SLC17A7: variants seen among roughly 807,000 people sequenced by gnomAD.
SLC17A7 encodes the protein vesicular glutamate transporter 1.
A neutral mutation model predicts 59.1 loss-of-function variants in SLC17A7; 15 were observed. That is an observed-to-expected ratio of 0.25 (90% CI 0.17 to 0.39). The LOEUF is 0.39. SLC17A7 is among the 10% of genes least tolerant of loss of function. SLC17A7 has a pLI of 1.00. For synonymous variants in SLC17A7, 353 were observed against 308.9 expected (o/e 1.14, Z -1.50); for missense variants, 499 against 765.1 (o/e 0.65, Z 4.10).
intron 1 of SLC17A7, among the ~76,000 whole-genome samples, chr19:49,440,228 C>T (rs898235116): frequency 1.3e-5 from 2 of 152,160 alleles, no homozygotes; most frequent in Non-Finnish European, 2.9e-5. Flanking sequence ...ACCCCCATGG[C>T]CTAGCGAGGT....
intron 1 of SLC17A7, among the ~76,000 whole-genome samples, chr19:49,438,829 A>T (rs1267500418): frequency 6.6e-6 from 1 of 152,290 alleles, no homozygotes; most frequent in Non-Finnish European, 1.5e-5. Flanking sequence ...CTGATGTGAG[A>T]TTCCTTGTTA....
chr19:49,433,593 G>T lies in SLC17A7; in HGVS notation c.867+133C>A. 7.4e-7 allele frequency: 1 copy of T among 1,345,468 alleles called. No individual in the cohort carries two copies. The allele number at this position is 1,345,468 out of a possible 1,614,324, so 83.3% of individuals were successfully genotyped here. A position where few individuals can be genotyped will look rare whatever the true frequency, so the allele number is the denominator to read the frequency against. ...CCGCGGGTTGCAACCCGCCTCCTAG[G>T]TTCTAGCCCCTCTCTTTGCGTTCCA... On this transcript the variant is annotated intron_variant, in intron 7 of 11. Transcript: ENST00000221485. The surrounding 1 kb of genome is among the most constrained non-coding windows in gnomAD (Gnocchi z 5.7).
At chr19:49,440,547 C>A (rs1030121137) in intron 1 of SLC17A7, among the ~76,000 whole-genome samples, 1 of 152,134 alleles carries the variant, frequency 6.6e-6, no homozygotes, top group African/African-American at 2.4e-5. Flanking sequence ...CTGTCCTACC[C>A]CAGGAGCCGA....
intron 8 of SLC17A7, 52 bp from the exon 9 acceptor site, chr19:49,432,703 G>A (rs769133255): frequency 6.2e-7 from 1 of 1,604,360 alleles, no homozygotes; most frequent in Non-Finnish European, 8.5e-7. Context: ...CCGGCTCGGC[G>A]TCTCTGCCCG....
intron 1 of SLC17A7, among the ~76,000 whole-genome samples, chr19:49,440,307 G>A (rs778558593): frequency 1.3e-5 from 2 of 152,246 alleles, no homozygotes; most frequent in Non-Finnish European, 2.9e-5. Flanking sequence ...GGGCACGGCG[G>A]CAGGGGCATG....
In SLC17A7 at chr19:49,436,199, C is replaced by G. The variant is rs1345099091; in HGVS notation, c.315+350G>C. ...GGGACTGAGATTAAATAGATGTGAC[C>G]CGGGGACATGAGCTTGGGGTACAGG... On this transcript the variant is annotated intron_variant, in intron 2 of 11. Coordinates refer to ENST00000221485, the MANE Select transcript of SLC17A7 (RefSeq NM_020309.4). The surrounding 1 kb of genome is among the most constrained non-coding windows in gnomAD (Gnocchi z 4.1). 1 of 305,234 alleles carries G rather than the reference C, an allele frequency of 3.3e-6. No homozygotes were observed. The highest frequency in any genetic ancestry group is 6.2e-6 in the Non-Finnish European group (1 of 160,706). 18.9% of individuals were successfully genotyped at this position (305,234 alleles called of 1,614,324 possible).
rs866342522 is a variant in SLC17A7 at position 49,434,664 on chromosome 19, C to T, written c.575G>A (p.Gly192Glu). Residue 192 changes from glycine to glutamate, a missense_variant, in exon 5 of 12, where the codon GGG (glycine) becomes GAG (glutamate). Around this residue, in one of 3 missense-constraint regions of SLC17A7, gnomAD observed 323 missense variants for 607.2 expected, o/e 0.53. Coordinates refer to ENST00000221485, the MANE Select transcript of SLC17A7 (RefSeq NM_020309.4). ...GGGTGGGGCCCATTTGCTCCAGATC[C>T]CATGGCAGGCGGGGTATGTGACCCC... ...VEGVTYPACH[G>E]IWSKWAPPLE... 6.2e-7 allele frequency: 1 copy of T among 1,614,030 alleles called. No homozygotes were observed. Among genetic ancestry groups the T allele is most frequent in the Non-Finnish European group, 8.5e-7 (1 of 1,179,972 alleles).
Position 49,431,265 on chromosome 19 carries a change from C to T in SLC17A7, c.1261+73G>A. 3.8e-6 allele frequency: 6 copies of T among 1,585,892 alleles called. No homozygotes were observed. Among genetic ancestry groups the T allele is most frequent in the Non-Finnish European group, 4.3e-6 (5 of 1,160,422 alleles). The stretch of plus-strand genomic sequence containing the variant: ...TTCCACCTTTTGTGAGGCTGAGAGG[C>T]CCCGTTCCTGAGCCAGGAAGTTCCC... On this transcript the variant is annotated intron_variant, in intron 10 of 11. Coordinates refer to ENST00000221485, the MANE Select transcript of SLC17A7 (RefSeq NM_020309.4). The surrounding 1 kb of genome is among the most constrained non-coding windows in gnomAD (Gnocchi z 4.6).
chr19:49,434,728 G>T (rs749328526), intron 4 of SLC17A7, 39 bp from the exon 5 acceptor site: 4 of 1,614,108 alleles, frequency 2.5e-6, no homozygotes, highest in Non-Finnish European at 3.4e-6. Context: ...GAAGAGGCAG[G>T]GTCCGAGCGA....
chr19:49,440,802 G>A (rs1212999072), intron 1 of SLC17A7, among the ~76,000 whole-genome samples: 1 of 152,116 alleles, frequency 6.6e-6, no homozygotes, highest in Non-Finnish European at 1.5e-5. Flanking sequence ...CCAGGGAAGA[G>A]GAGAGACCCA....
At chr19:49,441,231 C>G in intron 1 of SLC17A7, 87 bp downstream of exon 1, 2 of 1,546,614 alleles carry the variant, frequency 1.3e-6, no homozygotes, top group Non-Finnish European at 1.7e-6. Context: ...GGGTATCGCC[C>G]GTTCATCTGT....
rs2122295912 is a variant in SLC17A7, at chr19:49,433,257, T to C, written c.868-297A>G. Reference sequence around the variant, plus strand: ...CTTTTTTTCTTTTTATTTTTACTTTTTGTATTTTGTATTTTGAGTAGAGAC... The same window carrying C: ...CTTTTTTTCTTTTTATTTTTACTTTCTGTATTTTGTATTTTGAGTAGAGAC... On this transcript the variant is annotated intron_variant, in intron 7 of 11. Coordinates refer to ENST00000221485, the MANE Select transcript of SLC17A7 (RefSeq NM_020309.4). The surrounding 1 kb of genome is among the most constrained non-coding windows in gnomAD (Gnocchi z 5.7). 1 of 425,496 alleles carries C rather than the reference T, an allele frequency of 2.4e-6. No individual in the cohort carries two copies. Among genetic ancestry groups the C allele is most frequent in the South Asian group, 2.7e-5 (1 of 36,592 alleles). 26.4% of individuals were successfully genotyped at this position (425,496 alleles called of 1,614,324 possible). A position where few individuals can be genotyped will look rare whatever the true frequency, so the allele number is the denominator to read the frequency against.
Position 49,431,005 on chromosome 19 carries a change from C to A in SLC17A7, c.1389+10G>T. ...TTGGAGGCAGACTGAGTCAGGACTG[C>A]GGCACCCACCTTGTGCTTAGTCATG... On this transcript the variant is annotated intron_variant, in intron 11 of 11. Transcript: ENST00000221485. The surrounding 1 kb of genome is among the most constrained non-coding windows in gnomAD (Gnocchi z 4.6). 1 of 1,600,344 alleles carries A rather than the reference C, an allele frequency of 6.2e-7. No individual in the cohort carries two copies. Among genetic ancestry groups the A allele is most frequent in the Non-Finnish European group, 8.5e-7 (1 of 1,171,940 alleles).
chr19:49,432,804 G>A lies in SLC17A7; in HGVS notation c.1017+7C>T. On this transcript the variant is annotated splice_region_variant and intron_variant, in intron 8 of 11. Coordinates refer to ENST00000221485, the MANE Select transcript of SLC17A7 (RefSeq NM_020309.4). ...GCGCCCCCCTGCCCTCTCCTCCTGG[G>A]CTCTACCTTGCTGATCTCGAAGCCG... 3 of 1,587,408 alleles carry A rather than the reference G, an allele frequency of 1.9e-6. No homozygotes were observed. The highest frequency in any genetic ancestry group is 2.6e-6 in the Non-Finnish European group (3 of 1,166,610).
chr19:49,433,917 T>A lies in SLC17A7; in HGVS notation c.724+43A>T. 1 of 1,613,090 alleles carries A rather than the reference T, an allele frequency of 6.2e-7. No homozygotes were observed. The highest frequency in any genetic ancestry group is 1.1e-5 in the South Asian group (1 of 91,036). ...GGAGCGAGGTGAGGACCGGCCCCGC[T>A]CCGCCCCAGCGCCACCCGGAACCAG... On this transcript the variant is annotated intron_variant, in intron 6 of 11. Transcript: ENST00000221485. This position sits in a 1 kb window ranked among gnomAD's most constrained non-coding sequence, Gnocchi z 5.7.
intron 2 of SLC17A7, 84 bp from the exon 3 acceptor site, chr19:49,435,370 C>T: frequency 2.1e-6 from 2 of 940,740 alleles, no homozygotes; most frequent in Non-Finnish European, 3.4e-6. Flanking sequence ...CTTAGCGTCT[C>T]GACCTATCAG....
chr19:49,431,084 G>A lies in SLC17A7; in HGVS notation c.1320C>T (p.Ile440=). The A allele has an allele frequency of 6.2e-7, 1 of 1,614,042 alleles. No homozygotes were observed. The highest frequency in any genetic ancestry group is 8.5e-7 in the Non-Finnish European group (1 of 1,180,026). The change falls in exon 11 of 12, where the codon ATC becomes ATT. Residue 440 remains isoleucine (I), a synonymous_variant. Coordinates refer to ENST00000221485, the MANE Select transcript of SLC17A7 (RefSeq NM_020309.4). This position sits in a 1 kb window ranked among gnomAD's most constrained non-coding sequence, Gnocchi z 4.6. ...APRYASILMG[I]SNGVGTLSGM... is the part of the protein sequence containing the mutation. ...CCGACAGTGTGCCCACGCCGTTGGA[G>A]ATGCCCATGAGGATGCTGGCGTAGC...
intron 2 of SLC17A7, 92 bp from the exon 3 acceptor site, chr19:49,435,378 C>T: frequency 1.2e-6 from 1 of 845,672 alleles, no homozygotes. Context: ...CTCGACCTAT[C>T]AGCAACGAGG....
chr19:49,434,557 CCCT>C lies in SLC17A7; in HGVS notation c.637+42_637+44del. On this transcript the variant is annotated intron_variant, in intron 5 of 11. Coordinates refer to ENST00000221485, the MANE Select transcript of SLC17A7 (RefSeq NM_020309.4). ...CAGACCCAACAGTCCAGGCCCCAACCCCTCCTCCCTCAGATTCAGGAGTGAGGA... is the reference window on the plus strand; with the variant it reads ...CAGACCCAACAGTCCAGGCCCCAACCCCTCCCTCAGATTCAGGAGTGAGGA... 3.2e-6 allele frequency: 5 copies of C among 1,558,122 alleles called. No homozygotes were observed. In the East Asian group the frequency reaches 1.1e-4, roughly 35 times the overall value.
Sources: gnomAD v4.1 joint callset for allele counts (sites outside exome capture counted in the v4.1 genomes callset) on GRCh38, gnomAD v4.1.1 for gene constraint, gnomAD v4.1.1 regional missense constraint, Gnocchi (gnomAD v3.1) non-coding constraint, MANE v1.5 for transcripts, NCBI Gene and HGNC (gene_info 2026-07-23, HGNC 2026-07-21) for gene names.